The following EML1 variants were observed in gnomAD, a reference collection of about 807,000 sequenced individuals.
EML1 encodes the protein echinoderm microtubule-associated protein-like 1.
Under a neutral mutation model 110.4 loss-of-function variants are expected in EML1, and 27 were observed. That is an observed-to-expected ratio of 0.24 (90% CI 0.18 to 0.34). The LOEUF is 0.34. EML1 is among the 10% of genes least tolerant of loss of function. EML1 has a pLI of 1.00. For missense variants in EML1, 741 were observed against 1,030.9 expected (o/e 0.72, Z 3.85); for synonymous variants, 344 against 385.8 (o/e 0.89, Z 1.27).
chr14:99,937,580 C>T (rs1331955640), intron 19 of EML1, among the ~76,000 whole-genome samples: 1 of 152,038 alleles, frequency 6.6e-6, no homozygotes, highest in Non-Finnish European at 1.5e-5. Context: ...CAGACTTGGA[C>T]GGAGATGGGA....
chr14:99,802,293 G>C (rs1042439767), intron 1 of EML1, among the ~76,000 whole-genome samples: 2 of 152,148 alleles, frequency 1.3e-5, no homozygotes, highest in African/African-American at 4.8e-5. Flanking sequence ...TAAGGAGTTT[G>C]GTCTTCTTCC....
intron 17 of EML1, among the ~76,000 whole-genome samples, chr14:99,924,509 AT>A (rs2060198302): frequency 6.6e-6 from 1 of 152,254 alleles, no homozygotes; most frequent in Admixed American, 6.5e-5. Context: ...GTAGAACAAT[AT>A]AACAATATAT....
intron 1 of EML1, among the ~76,000 whole-genome samples, chr14:99,765,383 C>G (rs2057357294): frequency 6.6e-6 from 1 of 152,160 alleles, no homozygotes; most frequent in South Asian, 2.1e-4. Context: ...TAACCTCCCC[C>G]CACCACGCCA....
At chr14:99,772,812 T>C (rs1157930665), upstream of EML1, 2 of 152,238 alleles carry the variant, frequency 1.3e-5, no homozygotes, top group South Asian at 2.1e-4. Flanking sequence ...CCCTGCTAAA[T>C]TGATTTTATG....
Position 99,760,023 on chromosome 14 carries a change from C to G in EML1, c.28+22163C>G, listed in dbSNP as rs1004769085. The stretch of plus-strand genomic sequence containing the variant: ...TCAGGAGGCTGAGGCAGGAGAATCG[C>G]TTGAACCCGGGAGGCGGATGTTGCA... On this transcript the variant is annotated intron_variant, in intron 1 of 10. Transcript: ENST00000554479. Among the ~76,000 whole-genome samples, 7 of 127,500 alleles carry G rather than the reference C, an allele frequency of 5.5e-5. No individual in the cohort carries two copies. The Admixed American group carries it at 6.1e-4, about 11-fold the overall frequency. The allele number at this position is 127,500 out of a possible 152,430, so 83.6% of individuals were successfully genotyped here. A position where few individuals can be genotyped will look rare whatever the true frequency, so the allele number is the denominator to read the frequency against.
chr14:99,864,158 A>G (rs557563607), intron 2 of EML1, among the ~76,000 whole-genome samples: 2 of 152,302 alleles, frequency 1.3e-5, no homozygotes, highest in East Asian at 3.9e-4. Flanking sequence ...GTGTCTTTTC[A>G]GATCTTTTGC....
At chr14:99,817,178 AT>A (rs1239594114) in intron 1 of EML1, among the ~76,000 whole-genome samples, 1 of 152,050 alleles carries the variant, frequency 6.6e-6, no homozygotes, top group Non-Finnish European at 1.5e-5. Flanking sequence ...TACTACATTC[AT>A]TTTTTTGAGA....
At chr14:99,929,070 A>G (rs1045063623) in intron 17 of EML1, among the ~76,000 whole-genome samples, 5 of 152,162 alleles carry the variant, frequency 3.3e-5, no homozygotes, top group Non-Finnish European at 7.3e-5. Context: ...TGCTAACTTG[A>G]GCAGGTCCAT....
intron 1 of EML1, among the ~76,000 whole-genome samples, chr14:99,758,754 C>T (rs1400764912): frequency 1.3e-5 from 2 of 152,128 alleles, no homozygotes; most frequent in Non-Finnish European, 2.9e-5. Context: ...TGAGGAGCAC[C>T]GAGTCGCTCA....
At chr14:99,799,572 A>G (rs115098635) in intron 1 of EML1, among the ~76,000 whole-genome samples, 6,545 of 152,332 alleles carry the variant, frequency 0.043, 182 homozygotes, top group Non-Finnish European at 0.056. Flanking sequence ...CACCCACGCT[A>G]AGCGAGAATT....
In EML1 at chr14:99,940,010, G is replaced by A; in HGVS notation, c.2346G>A (p.Gly782=). 1 of 1,586,750 alleles carries A rather than the reference G, an allele frequency of 6.3e-7. No homozygotes were observed. Among genetic ancestry groups the A allele is most frequent in the South Asian group, 1.2e-5 (1 of 86,514 alleles). Residue 782 remains glycine, a synonymous_variant, in exon 22 of 22, where the codon GGG becomes GGA. Transcript: ENST00000262233. ...QFRAPSHIYG[G]HSSHVTNVDF... is the part of the protein sequence containing the mutation. ...AGGCTCCAAGCCACATCTACGGCGGGCACAGCAGCCATGTCACCAATGTCG... is the reference window on the plus strand; with the variant it reads ...AGGCTCCAAGCCACATCTACGGCGGACACAGCAGCCATGTCACCAATGTCG...
Position 99,886,718 on chromosome 14 carries a change from C to T in EML1, c.519-4481C>T, listed in dbSNP as rs148737966. Among the ~76,000 whole-genome samples the T allele has an allele frequency of 1.7e-4, 26 of 152,218 alleles. No individual in the cohort carries two copies. In the East Asian group the frequency reaches 4.8e-3, roughly 28 times the overall value. Reference sequence around the variant, plus strand: ...GTGTCGAAGACCTGCAAGATCTGGCCCCAGAGCCCCCTTTCAGGAACATGG... The same window carrying T: ...GTGTCGAAGACCTGCAAGATCTGGCTCCAGAGCCCCCTTTCAGGAACATGG... On this transcript the variant is annotated intron_variant, in intron 4 of 21. Transcript: ENST00000262233.
intron 12 of EML1, 113 bp from the exon 13 acceptor site, chr14:99,911,309 T>C: frequency 8.1e-7 from 1 of 1,239,540 alleles, no homozygotes. Flanking sequence ...CATATTGCAA[T>C]GATGTGCTCA....
chr14:99,850,264 T>C, intron 1 of EML1: 1 of 1,284,328 alleles, frequency 7.8e-7, no homozygotes, highest in Non-Finnish European at 1.0e-6. Context: ...TACAATGAGA[T>C]TGGAGAGGCG....
intron 1 of EML1, among the ~76,000 whole-genome samples, chr14:99,802,985 C>T (rs2057909608): frequency 6.6e-6 from 1 of 152,122 alleles, no homozygotes; most frequent in Non-Finnish European, 1.5e-5. Flanking sequence ...AGGTGCCCTT[C>T]CTTCGTCGGT....
rs558077802 is a variant in EML1 at position 99,933,893 on chromosome 14, G to A, written c.1910-2136G>A. On this transcript the variant is annotated intron_variant, in intron 17 of 21. Coordinates refer to ENST00000262233, the MANE Select transcript of EML1 (RefSeq NM_004434.3). ...GTGGATCACCTGAGGTCAGGAGATCGAGACCATCCTGGCCAACATGGTAAA... is the reference window on the plus strand; with the variant it reads ...GTGGATCACCTGAGGTCAGGAGATCAAGACCATCCTGGCCAACATGGTAAA... Among the ~76,000 whole-genome samples the A allele has an allele frequency of 1.7e-3, 264 of 152,248 alleles. 1 individual carries two copies. The highest frequency in any genetic ancestry group is 3.2e-3 in the Non-Finnish European group (220 of 68,020).
At chr14:99,777,960 A>C (rs993508501) in intron 1 of EML1, among the ~76,000 whole-genome samples, 1 of 151,954 alleles carries the variant, frequency 6.6e-6, no homozygotes, top group Non-Finnish European at 1.5e-5. Context: ...AATTTTTGCC[A>C]TTTTATTTTA....
At chr14:99,738,792 T>C (rs1030061637) in intron 1 of EML1, among the ~76,000 whole-genome samples, 1 of 152,196 alleles carries the variant, frequency 6.6e-6, no homozygotes, top group Non-Finnish European at 1.5e-5. Flanking sequence ...GTGGGCACCC[T>C]GGGCAGCAGA....
At chr14:99,864,333 T>G (rs1163540456) in intron 2 of EML1, among the ~76,000 whole-genome samples, 2 of 152,242 alleles carry the variant, frequency 1.3e-5, no homozygotes, top group Non-Finnish European at 2.9e-5. Flanking sequence ...TTTTTAAAAA[T>G]GTTAATGAAG....
Sources: allele counts gnomAD v4.1 joint callset (sites outside exome capture counted in the v4.1 genomes callset), GRCh38; gene constraint gnomAD v4.1.1; transcripts MANE v1.5; gene names NCBI Gene and HGNC (gene_info 2026-07-23, HGNC 2026-07-21).